The following LMF2 variants were observed in gnomAD, a reference collection of about 807,000 sequenced individuals.
LMF2 encodes the protein transmembrane protein 112B.
In LMF2, 113 loss-of-function variants were observed where a neutral mutation model predicts 81.5. The observed-to-expected ratio is 1.39, with a 90% CI of 1.19 to 1.62. The LOEUF is 1.62. Among genes scored for constraint, LMF2 ranks in the 40% most tolerant of loss-of-function variants. The pLI is 0.00. For missense variants in LMF2, 1,235 were observed against 929.1 expected (o/e 1.33, Z -4.28); for synonymous variants, 645 against 424.5 (o/e 1.52, Z -6.39).
chr22:50,506,113 G>T lies in LMF2; in HGVS notation c.696C>A (p.Thr232=). The change falls in exon 5 of 14, where the codon ACC becomes ACA. Residue 232 remains threonine, a synonymous_variant. Coordinates refer to ENST00000474879, the MANE Select transcript of LMF2 (RefSeq NM_033200.3). ...VWLHKLSVVA[T]FLIEIAVPPL... ...GCGGCACAGCGATCTCAATTAGGAA[G>T]GTGGCCACCACGCTGAGCTTGTGCA... 1 of 1,586,696 alleles carries T rather than the reference G, an allele frequency of 6.3e-7. No homozygotes were observed.
Position 50,506,323 on chromosome 22 carries a change from T to C in LMF2, c.557A>G (p.Lys186Arg). The change falls in exon 4 of 14, where the codon AAG (lysine) becomes AGG (arginine). Residue 186 changes from lysine to arginine, a missense_variant. Physicochemically the swap from Lys to Arg is conservative, Grantham distance 26 (BLOSUM62 2). Transcript: ENST00000474879. ...CCACGCAGGGCAGCGGCTGGTCAGC[T>C]TGACCACGCCTGAGGCGAACATGAG... ...FRLMFASGVV[K>R]LTSRCPAWWG... 6.5e-7 allele frequency: 1 copy of C among 1,549,652 alleles called. No homozygotes were observed. The highest frequency in any genetic ancestry group is 8.7e-7 in the Non-Finnish European group (1 of 1,146,786).
Position 50,503,610 on chromosome 22 carries a change from G to C in LMF2, c.1905C>G (p.Ala635=). 1 of 1,569,230 alleles carries C rather than the reference G, an allele frequency of 6.4e-7. No individual in the cohort carries two copies. Among genetic ancestry groups the C allele is most frequent in the Non-Finnish European group, 8.6e-7 (1 of 1,159,596 alleles). The change falls in exon 14 of 14, where the codon GCC becomes GCG. Residue 635 remains alanine (A), a synonymous_variant. Transcript: ENST00000474879. ...TGAGGAGCCCCCAGAGCAGGGCGGG[G>C]GCCTCCAGGGGAGACAGCTGAGAGC... ...WTRSQLSPLE[A]PALLWGLLMA...
chr22:50,504,385 C>G lies in LMF2; in HGVS notation c.1673G>C (p.Arg558Pro), dbSNP rs373917352. ...PFHKQPPTYVRAQRYKYWFSQ... is the reference protein window; with the variant it reads ...PFHKQPPTYVPAQRYKYWFSQ... Reference sequence around the variant, plus strand: ...GAACCAGTACTTGTAGCGCTGGGCTCGGACGTAGGTGGGCGGCTGCTTGTG... The same window carrying G: ...GAACCAGTACTTGTAGCGCTGGGCTGGGACGTAGGTGGGCGGCTGCTTGTG... The change falls in exon 12 of 14, where the codon CGA becomes CCA. Residue 558 changes from arginine (R) to proline (P), a missense_variant. Coordinates refer to ENST00000474879, the MANE Select transcript of LMF2 (RefSeq NM_033200.3). 5 of 1,612,344 alleles carry G rather than the reference C, an allele frequency of 3.1e-6. No homozygotes were observed. The highest frequency in any genetic ancestry group is 2.2e-5 in the East Asian group (1 of 44,838).
chr22:50,503,870 A>C lies in LMF2; in HGVS notation c.1753T>G (p.Phe585Val). 6.2e-7 allele frequency: 1 copy of C among 1,605,968 alleles called. No individual in the cohort carries two copies. The highest frequency in any genetic ancestry group is 8.5e-7 in the Non-Finnish European group (1 of 1,179,464). Reference protein sequence around the residue: ...WWRRQWVEEFFPSVSLGDPTL... With the variant: ...WWRRQWVEEFVPSVSLGDPTL... Reference sequence around the variant, plus strand: ...GGGTCCCCCAGGGACACGGATGGGAAGAACTCCTCCACCCACTGGCGCCGC... The same window carrying C: ...GGGTCCCCCAGGGACACGGATGGGACGAACTCCTCCACCCACTGGCGCCGC... The change falls in exon 13 of 14, where the codon TTC (phenylalanine) becomes GTC (valine). Residue 585 changes from phenylalanine (F) to valine (V), a missense_variant. Physicochemically the swap from Phe to Val is conservative, Grantham distance 50. Transcript: ENST00000474879.
chr22:50,506,251 C>G (rs1414787823), intron 4 of LMF2, 34 bp downstream of exon 4: 8 of 1,547,810 alleles, frequency 5.2e-6, no homozygotes, highest in Non-Finnish European at 7.0e-6. Context: ...GGCCGAGCCC[C>G]CAGACTACCC....
rs573805173 is a variant in LMF2, at chr22:50,503,024, G to A, written c.*367C>T. ...GGGCTGGTGTGAAGATGACGTGGAA[G>A]ATGACAGTGCTTCCCCTCTTCCCCT... On this transcript the variant is annotated 3_prime_UTR_variant, in exon 14 of 14. Transcript: ENST00000474879. 8 of 249,324 alleles carry A rather than the reference G, an allele frequency of 3.2e-5. No individual in the cohort carries two copies. Among genetic ancestry groups the A allele is most frequent in the East Asian group, 2.1e-4 (2 of 9,402 alleles). The allele number at this position is 249,324 out of a possible 1,614,324, so 15.4% of individuals were successfully genotyped here. A position where few individuals can be genotyped will look rare whatever the true frequency, so the allele number is the denominator to read the frequency against.
chr22:50,505,992 G>T, intron 5 of LMF2, 43 bp downstream of exon 5: 1 of 1,564,844 alleles, frequency 6.4e-7, no homozygotes, highest in South Asian at 1.2e-5. Flanking sequence ...GCTGAAGGCC[G>T]AGCCCTGTCT....
In LMF2 at chr22:50,504,541, C is replaced by G. The variant is rs1051518889; in HGVS notation, c.1606+18G>C. 3.9e-6 allele frequency: 6 copies of G among 1,554,920 alleles called. No individual in the cohort carries two copies. The African/African-American group carries it at 8.1e-5, about 21-fold the overall frequency. On this transcript the variant is annotated intron_variant, in intron 11 of 13. Transcript: ENST00000474879. ...CTCCACCCCAGCCCACTCCACACCC[C>G]CCAAGCCCGCTCCGCACCTGGCTCC... is the stretch of plus-strand genomic sequence containing the variant.
chr22:50,503,447 T>G lies in LMF2; in HGVS notation c.2068A>C (p.Thr690Pro), dbSNP rs1569517810. Reference protein sequence around the residue: ...KDSGAASEQATAAPNPCSSSS... With the variant: ...KDSGAASEQAPAAPNPCSSSS... The stretch of plus-strand genomic sequence containing the variant: ...CTGGAGCAGGGGTTGGGGGCTGCGG[T>G]GGCCTGTTCGGAGGCAGCTCCGGAG... The change falls in exon 14 of 14, where the codon ACC becomes CCC. Residue 690 changes from threonine to proline, a missense_variant. Physicochemically the swap from Thr to Pro is conservative, Grantham distance 38 (BLOSUM62 -1). Coordinates refer to ENST00000474879, the MANE Select transcript of LMF2 (RefSeq NM_033200.3). 6.2e-7 allele frequency: 1 copy of G among 1,604,222 alleles called. No homozygotes were observed. Among genetic ancestry groups the G allele is most frequent in the African/African-American group, 1.3e-5 (1 of 74,264 alleles).
Position 50,506,401 on chromosome 22 carries a change from G to T in LMF2, c.479C>A (p.Ala160Asp), listed in dbSNP as rs1488304925. 1.6e-5 allele frequency: 25 copies of T among 1,549,734 alleles called. No homozygotes were observed. Among genetic ancestry groups the T allele is most frequent in the Non-Finnish European group, 2.0e-5 (23 of 1,147,486 alleles). The change falls in exon 4 of 14, where the codon GCC becomes GAC. Residue 160 changes from alanine to aspartate, a missense_variant. Physicochemically the swap from Ala to Asp is moderately radical, Grantham distance 126. Coordinates refer to ENST00000474879, the MANE Select transcript of LMF2 (RefSeq NM_033200.3). ...KEAPQGRQAG[A>D]LPHEDLPFWL... Reference sequence around the variant, plus strand: ...GAAGGGGAGGTCTTCGTGGGGCAGGGCCCCTGCCTGCCTGCCCTGGGGGGC... The same window carrying T: ...GAAGGGGAGGTCTTCGTGGGGCAGGTCCCCTGCCTGCCTGCCCTGGGGGGC...
chr22:50,505,653 G>A (rs1603439386), intron 6 of LMF2, 21 bp downstream of exon 6: 3 of 1,612,520 alleles, frequency 1.9e-6, no homozygotes, highest in South Asian at 2.2e-5. Flanking sequence ...GAGGGCAGGG[G>A]GCTGGACAAG....
chr22:50,504,537 A>AC, intron 11 of LMF2, 22 bp downstream of exon 11: 1 of 1,315,580 alleles, frequency 7.6e-7, no homozygotes, highest in Non-Finnish European at 9.9e-7. Context: ...CCCACTCCAC[A>AC]CCCCCCAAGC....
At position 50,506,982 on chromosome 22, in the gene LMF2, C is replaced by T. The variant is rs1216384338; in HGVS notation, c.148G>A (p.Gly50Ser). Residue 50 changes from glycine (G) to serine (S), a missense_variant, in exon 2 of 14, where the codon GGC becomes AGC. Coordinates refer to ENST00000474879, the MANE Select transcript of LMF2 (RefSeq NM_033200.3). ...CACAGCTGCTGCCAGCGCCCCTTGC[C>T]CTGAGGCCGCAGCGTCCTCCTTGCA... ...LPARRTLRPQ[G>S]KGRWQQLWET... 1.3e-6 allele frequency: 2 copies of T among 1,593,440 alleles called. No homozygotes were observed. The highest frequency in any genetic ancestry group is 1.7e-6 in the Non-Finnish European group (2 of 1,176,402).
At position 50,503,180 on chromosome 22, in the gene LMF2, A is replaced by C; in HGVS notation, c.*211T>G. On this transcript the variant is annotated 3_prime_UTR_variant, in exon 14 of 14. Transcript: ENST00000474879. ...TCCTCCTGGGCCAATCACAGAGGCA[A>C]TAGTGGGAGTCCTGGGGAGGGGCAT... The C allele has an allele frequency of 5.6e-6, 3 of 535,388 alleles. No individual in the cohort carries two copies. The highest frequency in any genetic ancestry group is 6.5e-6 in the Non-Finnish European group (2 of 307,718). The allele number at this position is 535,388 out of a possible 1,614,324, so 33.2% of individuals were successfully genotyped here. A position where few individuals can be genotyped will look rare whatever the true frequency, so the allele number is the denominator to read the frequency against.
chr22:50,506,553 C>A (rs1325046579), intron 3 of LMF2, 51 bp from the exon 4 acceptor site: 5 of 1,582,286 alleles, frequency 3.2e-6, no homozygotes, highest in Non-Finnish European at 4.3e-6. Flanking sequence ...CAGCTGCTTC[C>A]CTCGGAAAGT....
In LMF2 at chr22:50,506,035, C is replaced by G. The variant is rs1263774535; in HGVS notation, c.774G>C (p.Gln258His). Residue 258 changes from glutamine to histidine, a missense_variant and splice_region_variant, in exon 5 of 14, where the codon CAG becomes CAC. Physicochemically the swap from Gln to His is conservative, Grantham distance 24. Transcript: ENST00000474879. ...TCTGACAGCTGCGGCCCTCACCCAC[C>G]TGCGAGTAGAAAGCAGCCAAGCGCA... is the stretch of plus-strand genomic sequence containing the variant. ...RRLRLAAFYS[Q>H]VLLQVLIIIT... 1 of 1,581,428 alleles carries G rather than the reference C, an allele frequency of 6.3e-7. No individual in the cohort carries two copies.
At position 50,506,175 on chromosome 22, in the gene LMF2, G is replaced by A. The variant is rs774109770; in HGVS notation, c.634C>T (p.Pro212Ser). The A allele has an allele frequency of 8.3e-6, 13 of 1,563,138 alleles. No individual in the cohort carries two copies. The East Asian group carries it at 3.1e-4, about 37-fold the overall frequency. Residue 212 changes from proline to serine, a missense_variant, in exon 5 of 14, where the codon CCC becomes TCC. Pro to Ser is a moderately conservative substitution (Grantham distance 74). Transcript: ENST00000474879. ...AGGTGGTGTGCGAACCAGGCGGCGG[G>A]CGTGGGCAGGCACTGGGTCTCGTAG... is the stretch of plus-strand genomic sequence containing the variant. ...YHYETQCLPT[P>S]AAWFAHHLPV...
Position 50,504,917 on chromosome 22 carries a change from C to A in LMF2, c.1322G>T (p.Gly441Val). ...GGCCAGCTGTAGGTGCTCCACGGCA[C>A]CAAACAGGCGGTGGGCCCCGGTCCA... ...RLWTGAHRLF[G>V]AVEHLQLANS... Residue 441 changes from glycine to valine, a missense_variant, in exon 10 of 14, where the codon GGT becomes GTT. Physicochemically the swap from Gly to Val is moderately radical, Grantham distance 109. Transcript: ENST00000474879. The A allele has an allele frequency of 6.2e-7, 1 of 1,608,380 alleles. No individual in the cohort carries two copies. The highest frequency in any genetic ancestry group is 8.5e-7 in the Non-Finnish European group (1 of 1,177,612).
In LMF2 at chr22:50,507,606, C is replaced by G; in HGVS notation, c.70G>C (p.Ala24Pro). Reference sequence around the variant, plus strand: ...CCTGGGATTTGCGTGTAGAGGGAAGCGAAAGCAAACATGAAGACGGCCGCC... The same window carrying G: ...CCTGGGATTTGCGTGTAGAGGGAAGGGAAAGCAAACATGAAGACGGCCGCC... ...GVAAVFMFAF[A>P]SLYTQIPGLY... The change falls in exon 1 of 14, where the codon GCT becomes CCT. Residue 24 changes from alanine (A) to proline (P), a missense_variant. Coordinates refer to ENST00000474879, the MANE Select transcript of LMF2 (RefSeq NM_033200.3). 2.6e-6 allele frequency: 4 copies of G among 1,564,358 alleles called. No individual in the cohort carries two copies. Among genetic ancestry groups the G allele is most frequent in the East Asian group, 2.4e-5 (1 of 42,196 alleles).
Sources: allele counts gnomAD v4.1 joint callset, GRCh38; gene constraint gnomAD v4.1.1; transcripts MANE v1.5; gene names NCBI Gene and HGNC (gene_info 2026-07-23, HGNC 2026-07-21).